MTSS1: variants seen among roughly 807,000 people sequenced by gnomAD.
MTSS1 encodes the protein MTSS I-BAR domain containing 1.
In MTSS1, 18 loss-of-function variants were observed where a neutral mutation model predicts 79.0. The ratio of observed to expected loss-of-function variants is 0.23; its 90% CI spans 0.16 to 0.34. MTSS1 has a LOEUF of 0.34. Ranked by LOEUF, MTSS1 falls within the 10% of genes least tolerant of loss-of-function variation. The pLI is 1.00. For missense variants in MTSS1, 815 were observed against 986.2 expected (o/e 0.83, Z 2.33); for synonymous variants, 341 against 368.6 (o/e 0.93, Z 0.86).
At chr8:124,690,141 C>A (rs898905906) in intron 3 of MTSS1, among the ~76,000 whole-genome samples, 1 of 152,206 alleles carries the variant, frequency 6.6e-6, no homozygotes, top group Non-Finnish European at 1.5e-5. Context: ...CTTGGACCTT[C>A]CTCCCCACTG....
chr8:124,601,713 G>A (rs542556267), intron 3 of MTSS1, among the ~76,000 whole-genome samples: 4 of 152,198 alleles, frequency 2.6e-5, no homozygotes, highest in South Asian at 2.1e-4. Flanking sequence ...TGGCTGGACC[G>A]AGCAGGGCAA....
intron 2 of MTSS1, 24 bp downstream of exon 2, chr8:124,704,106 T>C: frequency 6.2e-7 from 1 of 1,609,560 alleles, no homozygotes; most frequent in Non-Finnish European, 8.5e-7. Flanking sequence ...GTCCTTTTCC[T>C]GTAGAACATG....
chr8:124,621,539 C>T (rs1813509381), intron 3 of MTSS1, among the ~76,000 whole-genome samples: 2 of 151,926 alleles, frequency 1.3e-5, no homozygotes, highest in South Asian at 2.1e-4. Context: ...GTTCCTATCA[C>T]TTTCTGTTTG....
At chr8:124,567,591 G>C (rs367865436) in intron 7 of MTSS1, 8 of 1,386,030 alleles carry the variant, frequency 5.8e-6, no homozygotes, top group East Asian at 2.6e-5. Context: ...CTTTGTGACA[G>C]TGCCTGTGTG....
chr8:124,550,942 A>G lies in MTSS1; in HGVS notation c.*2050T>C, dbSNP rs1285720665. The stretch of plus-strand genomic sequence containing the variant: ...AGTACAAACTAGCAACTAAAGCACA[A>G]TAATTTACTGTTAGAAACGATTTCT... On this transcript the variant is annotated 3_prime_UTR_variant, in exon 14 of 14. Transcript: ENST00000518547. The G allele has an allele frequency of 6.5e-6, 1 of 152,812 alleles. No individual in the cohort carries two copies. The highest frequency in any genetic ancestry group is 2.4e-5 in the African/African-American group (1 of 41,592). 9.5% of individuals were successfully genotyped at this position (152,812 alleles called of 1,614,324 possible).
At chr8:124,610,409 G>T (rs960557633) in intron 3 of MTSS1, among the ~76,000 whole-genome samples, 1 of 152,226 alleles carries the variant, frequency 6.6e-6, no homozygotes, top group East Asian at 1.9e-4. Context: ...AAAAGCCTTC[G>T]CGGGAACAGA....
chr8:124,704,281 A>G (rs1046089571), intron 1 of MTSS1, 90 bp from the exon 2 acceptor site: 2 of 1,129,070 alleles, frequency 1.8e-6, no homozygotes, highest in African/African-American at 3.0e-5. Context: ...TCATGCAGGG[A>G]ACAATCTGTG....
intron 3 of MTSS1, among the ~76,000 whole-genome samples, chr8:124,605,646 C>G (rs924073422): frequency 7.5e-6 from 1 of 132,966 alleles, no homozygotes; most frequent in African/African-American, 2.8e-5. Flanking sequence ...GCTGGGCTCC[C>G]GTTGGAGATC....
chr8:124,681,960 T>C (rs1826194253), intron 3 of MTSS1, among the ~76,000 whole-genome samples: 1 of 152,208 alleles, frequency 6.6e-6, no homozygotes, highest in African/African-American at 2.4e-5. Flanking sequence ...GAAAGCTCTT[T>C]ATACACCTTC....
intron 3 of MTSS1, among the ~76,000 whole-genome samples, chr8:124,691,430 G>C (rs1401398945): frequency 6.6e-6 from 1 of 152,144 alleles, no homozygotes; most frequent in Non-Finnish European, 1.5e-5. Flanking sequence ...TATAAAAAGT[G>C]CTCAATATAA....
chr8:124,594,370 A>C (rs1017743155), intron 3 of MTSS1, among the ~76,000 whole-genome samples: 5 of 152,098 alleles, frequency 3.3e-5, no homozygotes, highest in African/African-American at 1.2e-4. Flanking sequence ...ATCTCTACTA[A>C]AAATACAAAA....
At chr8:124,669,642 GC>G (rs1823754158) in intron 3 of MTSS1, among the ~76,000 whole-genome samples, 1 of 152,198 alleles carries the variant, frequency 6.6e-6, no homozygotes, top group African/African-American at 2.4e-5. Context: ...ATTTCTGGCT[GC>G]TTTCTACTAA....
At chr8:124,557,589 A>C in intron 11 of MTSS1, 92 bp downstream of exon 11, 1 of 1,242,196 alleles carries the variant, frequency 8.1e-7, no homozygotes, top group Non-Finnish European at 1.1e-6. Flanking sequence ...AAGGAAGGGG[A>C]TGAGGGGATA....
At chr8:124,724,011 T>C (rs577664014) in intron 1 of MTSS1, among the ~76,000 whole-genome samples, 5 of 152,274 alleles carry the variant, frequency 3.3e-5, no homozygotes, top group African/African-American at 9.6e-5. Context: ...TATTACCTGT[T>C]TACAGCCCAC....
At chr8:124,602,207 A>ACACACACATATATATAT in intron 3 of MTSS1, among the ~76,000 whole-genome samples, 1 of 142,224 alleles carries the variant, frequency 7.0e-6, no homozygotes, top group African/African-American at 2.7e-5. Flanking sequence ...ATATATATAT[A>ACACACACATATATATAT]ATTTTTTTTT....
intron 4 of MTSS1, among the ~76,000 whole-genome samples, chr8:124,590,664 C>T (rs995695846): frequency 2.6e-5 from 4 of 152,184 alleles, no homozygotes; most frequent in Admixed American, 1.3e-4. Context: ...AACCCAATTC[C>T]GGTGCCAGCT....
intron 3 of MTSS1, among the ~76,000 whole-genome samples, chr8:124,692,261 A>G (rs1464775377): frequency 6.6e-6 from 1 of 151,994 alleles, no homozygotes. Context: ...AACTCCTGAC[A>G]TCAAGTGATC....
intron 9 of MTSS1, among the ~76,000 whole-genome samples, chr8:124,563,709 G>A (rs1434902002): frequency 6.6e-6 from 1 of 152,226 alleles, no homozygotes; most frequent in Admixed American, 6.5e-5. Context: ...GCAAGAGGCA[G>A]GCAGCTTTCA....
chr8:124,607,079 T>C (rs1835002987), intron 3 of MTSS1, among the ~76,000 whole-genome samples: 1 of 152,198 alleles, frequency 6.6e-6, no homozygotes, highest in South Asian at 2.1e-4. Flanking sequence ...GCTTCAGACA[T>C]AGAAGGAGCT....
Sources: allele counts gnomAD v4.1 joint callset (sites outside exome capture counted in the v4.1 genomes callset), GRCh38; gene constraint gnomAD v4.1.1; transcripts MANE v1.5; gene names NCBI Gene and HGNC (gene_info 2026-07-23, HGNC 2026-07-21).